Variants in RPP30 observed in about 807,000 individuals in gnomAD.
RPP30 encodes the protein ribonuclease P protein subunit p30.
Under a neutral mutation model 38.6 loss-of-function variants are expected in RPP30, and 36 were observed. The ratio of observed to expected loss-of-function variants is 0.93; its 90% CI spans 0.71 to 1.23. The LOEUF (loss-of-function observed/expected upper bound fraction) is 1.23, where lower values mean the gene tolerates loss of function less well. Among genes scored for constraint, RPP30 ranks in the 50% most tolerant of loss-of-function variants. The probability of loss-of-function intolerance (pLI) is 0.00; values close to 1 mark genes in which losing one functional copy is unlikely to be tolerated. For missense variants in RPP30, 321 were observed against 321.7 expected (o/e 1.00, Z 0.02); for synonymous variants, 126 against 112.7 (o/e 1.12, Z -0.75).
intron 6 of RPP30, among the ~76,000 whole-genome samples, chr10:90,888,610 G>A (rs940781353): frequency 2.0e-5 from 3 of 152,088 alleles, no homozygotes; most frequent in Non-Finnish European, 4.4e-5. Flanking sequence ...GTCACCAGCT[G>A]GATGTCCACA....
chr10:90,903,564 G>A (rs537873325), downstream of RPP30, among the ~76,000 whole-genome samples: 10 of 152,290 alleles, frequency 6.6e-5, 1 homozygote, highest in South Asian at 1.9e-3. Context: ...GCAGTTGTGC[G>A]TGCTTTCTAT....
Position 90,896,387 on chromosome 10 carries a change from A to G in RPP30, c.692A>G (p.His231Arg), listed in dbSNP as rs112020240. The change falls in exon 10 of 11, where the codon CAT becomes CGT. Residue 231 changes from histidine (H) to arginine (R), a missense_variant. Physicochemically the swap from His to Arg is conservative, Grantham distance 29. Coordinates refer to ENST00000371703, the MANE Select transcript of RPP30 (RefSeq NM_006413.5). ...ACCAACTGCCGAGCAGCGCTTCTCC[A>G]TGGAGGTAAGCAAGTTCTTCCAGTA... Reference protein sequence around the residue: ...VSTNCRAALLHGETRKTAFGI... With the variant: ...VSTNCRAALLRGETRKTAFGI... 4 of 1,613,774 alleles carry G rather than the reference A, an allele frequency of 2.5e-6. No homozygotes were observed. Among genetic ancestry groups the G allele is most frequent in the South Asian group, 1.1e-5 (1 of 91,076 alleles).
downstream of RPP30, among the ~76,000 whole-genome samples, chr10:90,907,264 T>C (rs188790331): frequency 1.9e-4 from 29 of 152,270 alleles, no homozygotes; most frequent in African/African-American, 7.0e-4. Flanking sequence ...ATGTTTCACT[T>C]GGAAGAAATT....
At chr10:90,891,069 T>C (rs749485179) in intron 6 of RPP30, among the ~76,000 whole-genome samples, 12 of 152,210 alleles carry the variant, frequency 7.9e-5, no homozygotes, top group Non-Finnish European at 1.5e-4. Context: ...GAGTGGGTAA[T>C]TTGGCAACAA....
At chr10:90,875,306 A>G (rs909247309) in intron 2 of RPP30, among the ~76,000 whole-genome samples, 1 of 152,190 alleles carries the variant, frequency 6.6e-6, no homozygotes, top group Non-Finnish European at 1.5e-5. Flanking sequence ...TAGGCCAACA[A>G]CTGTATCCTG....
At chr10:90,889,384 A>G (rs1451356867) in intron 6 of RPP30, among the ~76,000 whole-genome samples, 1 of 133,948 alleles carries the variant, frequency 7.5e-6, no homozygotes, top group Non-Finnish European at 1.5e-5. Flanking sequence ...ATCTCGGCTC[A>G]CTGCAGCCTC....
chr10:90,883,154 CTT>C (rs527571623), intron 5 of RPP30, among the ~76,000 whole-genome samples: 69 of 152,228 alleles, frequency 4.5e-4, no homozygotes, highest in African/African-American at 1.2e-3. Context: ...AAACTGATAC[CTT>C]TGAAAGGGAT....
intron 10 of RPP30, among the ~76,000 whole-genome samples, chr10:90,897,811 A>G (rs1400083584): frequency 6.6e-6 from 1 of 152,192 alleles, no homozygotes; most frequent in East Asian, 1.9e-4. Context: ...TTTTGTGGGT[A>G]CATAGTATGT....
chr10:90,875,466 A>G (rs1846838939), intron 2 of RPP30, 92 bp from the exon 3 acceptor site: 10 of 964,240 alleles, frequency 1.0e-5, no homozygotes, highest in Admixed American at 2.2e-5. Flanking sequence ...AAAAAAATGC[A>G]TATTTTTTCT....
Position 90,901,971 on chromosome 10 carries a change from A to T in RPP30, c.*1292A>T. 2.7e-6 allele frequency: 1 copy of T among 377,212 alleles called. No homozygotes were observed. Among genetic ancestry groups the T allele is most frequent in the Non-Finnish European group, 3.6e-6 (1 of 274,634 alleles). The allele number at this position is 377,212 out of a possible 1,614,324, so 23.4% of individuals were successfully genotyped here. A position where few individuals can be genotyped will look rare whatever the true frequency, so the allele number is the denominator to read the frequency against. The stretch of plus-strand genomic sequence containing the variant: ...GTAGCTGGGACTACAGGCGCTCGCC[A>T]TGTATTTAGCAGAGACGGGGTTTCA... On this transcript the variant is annotated 3_prime_UTR_variant, in exon 11 of 11. Transcript: ENST00000371703.
chr10:90,881,084 G>T (rs1391335786), intron 5 of RPP30, among the ~76,000 whole-genome samples: 3 of 152,146 alleles, frequency 2.0e-5, no homozygotes, highest in Non-Finnish European at 4.4e-5. Flanking sequence ...CAAGTATTTT[G>T]TTGTACATTT....
downstream of RPP30, among the ~76,000 whole-genome samples, chr10:90,904,067 A>C (rs1847229300): frequency 6.6e-6 from 1 of 152,170 alleles, no homozygotes; most frequent in African/African-American, 2.4e-5. Context: ...TGGTATTCTG[A>C]AAGAGTAAAT....
intron 5 of RPP30, 26 bp downstream of exon 5, chr10:90,879,160 G>C (rs748326572): frequency 2.3e-5 from 36 of 1,557,614 alleles, no homozygotes; most frequent in Non-Finnish European, 3.1e-5. Context: ...GTAAAAGAAA[G>C]TAGTGTATAT....
downstream of RPP30, among the ~76,000 whole-genome samples, chr10:90,907,509 G>A (rs1564571726): frequency 6.6e-6 from 1 of 152,190 alleles, no homozygotes; most frequent in Non-Finnish European, 1.5e-5. Flanking sequence ...TTCTGGTTAT[G>A]GACTATGCGT....
downstream of RPP30, among the ~76,000 whole-genome samples, chr10:90,907,453 A>G (rs1485287255): frequency 6.6e-6 from 1 of 152,230 alleles, no homozygotes; most frequent in Admixed American, 6.5e-5. Flanking sequence ...ATTTCAAACC[A>G]TTCTCACAAC....
rs1284284524 is a variant in RPP30 at position 90,885,134 on chromosome 10, CTT to C, written c.343-676_343-675del. Among the ~76,000 whole-genome samples the C allele has an allele frequency of 2.6e-5, 4 of 152,168 alleles. No individual in the cohort carries two copies. In the East Asian group the frequency reaches 5.8e-4, roughly 22 times the overall value. On this transcript the variant is annotated intron_variant, in intron 5 of 10. Transcript: ENST00000371703. The stretch of plus-strand genomic sequence containing the variant: ...GGTTTTCATAAACAGTTTCAAATCT[CTT>C]TGAGAAGAAAATGCAGAGTATTACT...
intron 2 of RPP30, 66 bp from the exon 3 acceptor site, chr10:90,875,492 T>C (rs1000946876): frequency 7.8e-7 from 1 of 1,284,990 alleles, no homozygotes; most frequent in South Asian, 1.3e-5. Context: ...CACCTCGTAA[T>C]TTTTCCATTA....
At chr10:90,879,300 G>T (rs1267928360) in intron 5 of RPP30, among the ~76,000 whole-genome samples, 166 bp downstream of exon 5, 1 of 152,100 alleles carries the variant, frequency 6.6e-6, no homozygotes, top group African/African-American at 2.4e-5. Flanking sequence ...ACTGGTATTT[G>T]TGGTTTTTTT....
At chr10:90,903,229 TCA>T (rs763843694), downstream of RPP30, 1 of 1,607,738 alleles carries the variant, frequency 6.2e-7, no homozygotes, top group Admixed American at 1.7e-5. Context: ...TGATCTCTCA[TCA>T]GAGAGATCAT....
Sources: gnomAD v4.1 joint callset for allele counts (sites outside exome capture counted in the v4.1 genomes callset) on GRCh38, gnomAD v4.1.1 for gene constraint, MANE v1.5 for transcripts, NCBI Gene and HGNC (gene_info 2026-07-23, HGNC 2026-07-21) for gene names.